IL15: variants seen among roughly 807,000 people sequenced by gnomAD.
IL15 encodes interleukin 15.
A neutral mutation model predicts 19.6 loss-of-function variants in IL15; 11 were observed. The ratio of observed to expected loss-of-function variants is 0.56; its 90% CI spans 0.35 to 0.93. IL15 has a LOEUF of 0.93. IL15 is among the 40% of genes least tolerant of loss of function. IL15 has a pLI of 0.01. For missense variants in IL15, 197 were observed against 186.5 expected (o/e 1.06, Z -0.33); for synonymous variants, 58 against 59.6 (o/e 0.97, Z 0.12).
intron 5 of IL15, among the ~76,000 whole-genome samples, chr4:141,724,267 GA>G (rs907710564): frequency 6.6e-6 from 1 of 151,056 alleles, no homozygotes; most frequent in Non-Finnish European, 1.5e-5. Context: ...TACATAGAAT[GA>G]AAAAAAATGA....
intron 1 of IL15, among the ~76,000 whole-genome samples, chr4:141,654,558 C>T (rs1224470797): frequency 1.3e-5 from 2 of 152,104 alleles, no homozygotes; most frequent in Admixed American, 1.3e-4. Flanking sequence ...TTATAACATT[C>T]TTTGCATCTA....
chr4:141,691,160 G>A (rs941475064), intron 2 of IL15, among the ~76,000 whole-genome samples: 12 of 17,038 alleles, frequency 7.0e-4, no homozygotes, highest in Admixed American at 7.8e-4. Flanking sequence ...ACATGCAGGA[G>A]AAACTGCCAA....
At chr4:141,720,434 A>G (rs1271564544) in intron 3 of IL15, 35 bp from the exon 4 acceptor site, 5 of 1,114,344 alleles carry the variant, frequency 4.5e-6, no homozygotes, top group Non-Finnish European at 5.4e-6. Flanking sequence ...TTTAACTAAA[A>G]AATTTAACCA....
intron 2 of IL15, chr4:141,715,541 G>T (rs916216700): frequency 6.6e-6 from 1 of 151,750 alleles, no homozygotes; most frequent in African/African-American, 2.4e-5. Context: ...TTTCTATATG[G>T]TTCATCTTTC....
intron 5 of IL15, among the ~76,000 whole-genome samples, chr4:141,723,025 C>T (rs1730140665): frequency 6.6e-6 from 1 of 151,988 alleles, no homozygotes; most frequent in Admixed American, 6.6e-5. Flanking sequence ...TTCAGCATTC[C>T]TATGGTTAGT....
intron 2 of IL15, among the ~76,000 whole-genome samples, chr4:141,710,073 A>G (rs1306496989): frequency 6.6e-6 from 1 of 152,216 alleles, no homozygotes; most frequent in South Asian, 2.1e-4. Context: ...GCTGCTGCAA[A>G]GGATATGATT....
At chr4:141,688,657 A>T (rs1728787047) in intron 2 of IL15, among the ~76,000 whole-genome samples, 1 of 152,172 alleles carries the variant, frequency 6.6e-6, no homozygotes, top group Admixed American at 6.5e-5. Context: ...TCATGGTTTT[A>T]GACCATTGCA....
intron 2 of IL15, among the ~76,000 whole-genome samples, chr4:141,703,814 T>C (rs1477982624): frequency 6.6e-6 from 1 of 152,008 alleles, no homozygotes; most frequent in East Asian, 1.9e-4. Flanking sequence ...ATTTTTTTAA[T>C]TTTTTGTAGC....
At chr4:141,654,098 T>C (rs1727504061) in intron 1 of IL15, among the ~76,000 whole-genome samples, 1 of 152,202 alleles carries the variant, frequency 6.6e-6, no homozygotes, top group Non-Finnish European at 1.5e-5. Context: ...AGAGGCTTAC[T>C]GGGGCATGTT....
chr4:141,705,214 T>C (rs896629158), intron 2 of IL15, among the ~76,000 whole-genome samples: 1 of 151,926 alleles, frequency 6.6e-6, no homozygotes, highest in Non-Finnish European at 1.5e-5. Flanking sequence ...TGTAGGCATT[T>C]ACTATTTTAA....
intron 3 of IL15, 40 bp from the exon 4 acceptor site, chr4:141,720,422 TTTTTAAC>T (rs779247417): frequency 2.3e-5 from 23 of 1,006,250 alleles, no homozygotes; most frequent in Non-Finnish European, 3.6e-5. Context: ...TAAACCTCAC[TTTTTAAC>T]TAAAAAATTT....
At chr4:141,684,524 C>A (rs1728646044) in intron 2 of IL15, among the ~76,000 whole-genome samples, 2 of 152,204 alleles carry the variant, frequency 1.3e-5, no homozygotes, top group African/African-American at 4.8e-5. Context: ...AGGACACATG[C>A]AATCTGGCTT....
chr4:141,712,198 C>A (rs1008474869), intron 2 of IL15, among the ~76,000 whole-genome samples: 6 of 152,028 alleles, frequency 3.9e-5, no homozygotes, highest in African/African-American at 1.2e-4. Flanking sequence ...CTGATAATTT[C>A]CAACTTTTTC....
At chr4:141,703,233 C>A (rs1729383968) in intron 2 of IL15, among the ~76,000 whole-genome samples, 2 of 152,176 alleles carry the variant, frequency 1.3e-5, no homozygotes, top group Admixed American at 1.3e-4. Context: ...CTCTCGTCTG[C>A]CCTCAAGGCT....
chr4:141,672,706 C>G (rs1361236608), intron 2 of IL15, among the ~76,000 whole-genome samples: 1 of 152,122 alleles, frequency 6.6e-6, no homozygotes, highest in African/African-American at 2.4e-5. Context: ...ACTTTAAATA[C>G]GTAAAAGCAT....
In IL15 at chr4:141,674,786, A is replaced by G. The variant is rs375665461; in HGVS notation, c.-100+18479A>G. 3.3e-5 allele frequency among the ~76,000 whole-genome samples: 5 copies of G among 152,184 alleles called. 1 individual carries two copies. Among genetic ancestry groups the G allele is most frequent in the East Asian group, 3.8e-4 (2 of 5,200 alleles). On this transcript the variant is annotated intron_variant, in intron 2 of 7. Transcript: ENST00000320650. ...ATTTGTATTATTATCTCTGTTTTTCAGCAGCTCTGGAAGTTAAATAAATTA... is the reference window on the plus strand; with the variant it reads ...ATTTGTATTATTATCTCTGTTTTTCGGCAGCTCTGGAAGTTAAATAAATTA...
rs568524597 is a variant in IL15, at chr4:141,684,564, G to T, written c.-100+28257G>T. Among the ~76,000 whole-genome samples the T allele has an allele frequency of 2.6e-5, 4 of 152,166 alleles. No homozygotes were observed. The South Asian group carries it at 8.3e-4, about 32-fold the overall frequency. ...CTGCCTATCCACATGTATTTCCTTT[G>T]ACTTCCTTCAATACTTTTCATTCAG... On this transcript the variant is annotated intron_variant, in intron 2 of 7. Coordinates refer to ENST00000320650, the MANE Select transcript of IL15 (RefSeq NM_000585.5).
intron 1 of IL15, among the ~76,000 whole-genome samples, chr4:141,641,968 G>A (rs1191615251): frequency 6.6e-6 from 1 of 151,160 alleles, no homozygotes; most frequent in Admixed American, 6.6e-5. Context: ...TGTGAATATC[G>A]CTACGTTTTG....
intron 2 of IL15, among the ~76,000 whole-genome samples, chr4:141,666,109 T>TTTATTTATTTATTTA (rs1443132108): frequency 6.6e-6 from 1 of 150,450 alleles, no homozygotes; most frequent in African/African-American, 2.4e-5. Context: ...TATTTATTTA[T>TTTATTTATTTATTTA]TTATTTTTTG....
Sources: allele counts gnomAD v4.1 joint callset (sites outside exome capture counted in the v4.1 genomes callset), GRCh38; gene constraint gnomAD v4.1.1; transcripts MANE v1.5; gene names NCBI Gene and HGNC (gene_info 2026-07-23, HGNC 2026-07-21).